The following WNT7A variants were observed in gnomAD, a reference collection of about 807,000 sequenced individuals.
The protein encoded by WNT7A is Wnt family member 7A.
Under a neutral mutation model 28.2 loss-of-function variants are expected in WNT7A, and 16 were observed. That is an observed-to-expected ratio of 0.57 (90% confidence interval 0.38 to 0.86). The LOEUF is 0.86. Ranked by LOEUF, WNT7A falls within the 40% of genes least tolerant of loss-of-function variation. The pLI is 0.00. For missense variants in WNT7A, 411 were observed against 489.7 expected (o/e 0.84, Z 1.52); for synonymous variants, 190 against 195.9 (o/e 0.97, Z 0.25).
At chr3:13,872,578 C>T (rs953487314) in intron 2 of WNT7A, among the ~76,000 whole-genome samples, 1 of 152,144 alleles carries the variant, frequency 6.6e-6, no homozygotes, top group African/African-American at 2.4e-5. Flanking sequence ...TTTTCTTGGG[C>T]ACCTCTCTTT....
intron 3 of WNT7A, among the ~76,000 whole-genome samples, chr3:13,847,819 A>G (rs920869384): frequency 2.0e-5 from 3 of 152,102 alleles, no homozygotes; most frequent in African/African-American, 4.8e-5. Context: ...GCGGGGGGAC[A>G]TGGGAGGTGG....
At chr3:13,863,825 AGATGGGT>A (rs1326284088) in intron 2 of WNT7A, 1 of 152,236 alleles carries the variant, frequency 6.6e-6, no homozygotes, top group African/African-American at 2.4e-5. Context: ...TCACAGCCCT[AGATGGGT>A]AAAATGATGG....
chr3:13,858,569 AC>A (rs1013023080), intron 2 of WNT7A, among the ~76,000 whole-genome samples: 2 of 150,738 alleles, frequency 1.3e-5, no homozygotes, highest in African/African-American at 2.4e-5. Context: ...GGCACATTTC[AC>A]CCCCCCGAGC....
At chr3:13,833,882 C>T (rs527476058) in intron 3 of WNT7A, among the ~76,000 whole-genome samples, 13 of 152,364 alleles carry the variant, frequency 8.5e-5, no homozygotes, top group African/African-American at 2.6e-4. Flanking sequence ...TTCCACCACA[C>T]GCTAACTTAA....
chr3:13,850,942 G>A (rs1369134873), intron 3 of WNT7A, among the ~76,000 whole-genome samples: 5 of 151,796 alleles, frequency 3.3e-5, no homozygotes, highest in African/African-American at 1.2e-4. Context: ...TAGCCCTCCC[G>A]TCCCAGTACC....
chr3:13,850,105 T>A (rs952617639), intron 3 of WNT7A, among the ~76,000 whole-genome samples: 10 of 152,262 alleles, frequency 6.6e-5, no homozygotes, highest in African/African-American at 2.4e-4. Context: ...CTGCAAGCCT[T>A]TCCATTCGCA....
At chr3:13,873,845 A>G (rs531508515) in intron 2 of WNT7A, among the ~76,000 whole-genome samples, 2 of 152,310 alleles carry the variant, frequency 1.3e-5, no homozygotes, top group South Asian at 4.1e-4. Flanking sequence ...TGTGTTTGGG[A>G]AAAAGGACAA....
Position 13,875,082 on chromosome 3 carries a change from G to T in WNT7A, c.163C>A (p.Arg55=). ...APRQRAICQS[R]PDAIIVIGEG... is the part of the protein sequence containing the mutation. ...CCTATGACGATGATGGCGTCGGGCC[G>T]GCTCTGGCAGATCGCCCGCTGTCTG... Residue 55 remains arginine, a synonymous_variant, in exon 2 of 4, where the codon CGG becomes AGG. Coordinates refer to ENST00000285018, the MANE Select transcript of WNT7A (RefSeq NM_004625.4). 6.2e-7 allele frequency: 1 copy of T among 1,614,230 alleles called. No homozygotes were observed. The highest frequency in any genetic ancestry group is 1.1e-5 in the South Asian group (1 of 91,084).
chr3:13,840,596 TCATCCATC>T lies in WNT7A; in HGVS notation c.570+13928_570+13935del, dbSNP rs113782895. Among the ~76,000 whole-genome samples the T allele has an allele frequency of 2.0e-3, 296 of 150,204 alleles. 1 individual carries two copies. The highest frequency in any genetic ancestry group is 2.6e-3 in the Non-Finnish European group (174 of 67,612). On this transcript the variant is annotated intron_variant, in intron 3 of 3. Coordinates refer to ENST00000285018, the MANE Select transcript of WNT7A (RefSeq NM_004625.4). ...ACCATCCTTCCAAATAGCTATTCAT[TCATCCATC>T]CATCCATCCATCCATCCATCCATCC...
At chr3:13,864,541 C>T (rs1391475662) in intron 2 of WNT7A, among the ~76,000 whole-genome samples, 5 of 152,162 alleles carry the variant, frequency 3.3e-5, no homozygotes, top group African/African-American at 9.7e-5. Flanking sequence ...TCCACTAGAT[C>T]CTCAGAGCAC....
intron 2 of WNT7A, among the ~76,000 whole-genome samples, chr3:13,863,398 GTGTGTGTGTGTGTATGTGTATA>G (rs1392697706): frequency 9.2e-5 from 3 of 32,652 alleles, no homozygotes; most frequent in African/African-American, 1.5e-4. Flanking sequence ...GTGAAAGCAA[GTGTGTGTGTGTGTATGTGTATA>G]TGTGTGTGTG....
At chr3:13,841,460 C>T (rs185126043) in intron 3 of WNT7A, among the ~76,000 whole-genome samples, 29 of 152,248 alleles carry the variant, frequency 1.9e-4, no homozygotes, top group Admixed American at 1.2e-3. Flanking sequence ...TGACTTTGGG[C>T]GAGTCGCTGA....
At chr3:13,859,920 A>G (rs1183433881) in intron 2 of WNT7A, among the ~76,000 whole-genome samples, 1 of 152,236 alleles carries the variant, frequency 6.6e-6, no homozygotes, top group East Asian at 1.9e-4. Flanking sequence ...AGATGGGGGA[A>G]CTGAGGCTCC....
At chr3:13,877,475 C>A (rs1335163931) in intron 1 of WNT7A, among the ~76,000 whole-genome samples, 1 of 152,202 alleles carries the variant, frequency 6.6e-6, no homozygotes, top group Non-Finnish European at 1.5e-5. Context: ...ACCCTCTGAG[C>A]ACCTAGCTGG....
chr3:13,848,319 A>G (rs1694573530), intron 3 of WNT7A, among the ~76,000 whole-genome samples: 1 of 152,260 alleles, frequency 6.6e-6, no homozygotes, highest in Non-Finnish European at 1.5e-5. Context: ...ATATTTGCCA[A>G]CCGCATGTCT....
chr3:13,862,896 T>A (rs555842199), intron 2 of WNT7A, among the ~76,000 whole-genome samples: 1 of 152,370 alleles, frequency 6.6e-6, no homozygotes, highest in East Asian at 1.9e-4. Flanking sequence ...TCTTATTCCA[T>A]CTGCCTGCTA....
rs545167060 is a variant in WNT7A, at chr3:13,852,614, T to C, written c.570+1918A>G. ...CTGGCGGCTGTCTTTGTTCCTGCCC[T>C]CGTCGGGGCCCTTGGGGTGTCCCAT... On this transcript the variant is annotated intron_variant, in intron 3 of 3. Transcript: ENST00000285018. Among the ~76,000 whole-genome samples the C allele has an allele frequency of 3.3e-3, 500 of 152,278 alleles. 3 individuals are homozygous for C. Among genetic ancestry groups the C allele is most frequent in the African/African-American group, 0.011 (475 of 41,576 alleles).
rs75767309 is a variant in WNT7A, at chr3:13,834,185, T to C, written c.571-14762A>G. On this transcript the variant is annotated intron_variant, in intron 3 of 3. Coordinates refer to ENST00000285018, the MANE Select transcript of WNT7A (RefSeq NM_004625.4). ...CAGGGTATTAGACAGCACTGAGCAA[T>C]TGTTTATTTTGCTCAGGGTGATAAT... is the stretch of plus-strand genomic sequence containing the variant. Among the ~76,000 whole-genome samples the C allele has an allele frequency of 3.4e-3, 514 of 152,206 alleles. 2 individuals are homozygous for C. The highest frequency in any genetic ancestry group is 0.012 in the African/African-American group (487 of 41,494).
At chr3:13,854,950 C>T (rs1694706325) in intron 2 of WNT7A, 147 bp from the exon 3 acceptor site, 1 of 1,106,074 alleles carries the variant, frequency 9.0e-7, no homozygotes, top group African/African-American at 1.5e-5. Context: ...TCCAACAAAG[C>T]TCCCTTTTAG....
Sources: gnomAD v4.1 joint callset for allele counts (sites outside exome capture counted in the v4.1 genomes callset) on GRCh38, gnomAD v4.1.1 for gene constraint, MANE v1.5 for transcripts, NCBI Gene and HGNC (gene_info 2026-07-23, HGNC 2026-07-21) for gene names.